The following PVT1 variants were observed in gnomAD, a reference collection of about 807,000 sequenced individuals.
The protein encoded by PVT1 is Pvt1 oncogene, also known as CXCR4/PVT1 fusion.
In PVT1 at chr8:128,021,579, A is replaced by C. The variant is rs112668483; in HGVS notation, n.912+32288A>C. Among the ~76,000 whole-genome samples the C allele has an allele frequency of 1.2e-3, 190 of 152,158 alleles. 1 individual carries two copies. Among genetic ancestry groups the C allele is most frequent in the Admixed American group, 4.9e-3 (75 of 15,292 alleles). On this transcript the variant is annotated intron_variant and non_coding_transcript_variant, in intron 4 of 10. Coordinates refer to ENST00000651587, the Ensembl canonical transcript of PVT1. ...AAGTGCTGGGATTACAGGCGTGAGC[A>C]ACCGCGCCCGGCCTGTCTGGGCCAT... is the stretch of plus-strand genomic sequence containing the variant.
intron 2 of PVT1, among the ~76,000 whole-genome samples, chr8:127,814,109 T>G (rs538756537): frequency 6.6e-5 from 10 of 152,346 alleles, no homozygotes; most frequent in African/African-American, 2.4e-4. Flanking sequence ...TTTTGCACTT[T>G]CAGTTGTCCT....
intron 4 of PVT1, among the ~76,000 whole-genome samples, chr8:127,990,825 A>G (rs1038866566): frequency 6.6e-6 from 1 of 152,236 alleles, no homozygotes; most frequent in African/African-American, 2.4e-5. Context: ...TGGCACACAT[A>G]GGATACTACA....
chr8:128,068,502 G>A (rs1156946604), intron 4 of PVT1, among the ~76,000 whole-genome samples: 1 of 152,064 alleles, frequency 6.6e-6, no homozygotes, highest in Non-Finnish European at 1.5e-5. Flanking sequence ...TGTGTTTTTT[G>A]TTGTTGTTTG....
chr8:127,948,192 T>C (rs376825809), intron 3 of PVT1: 10 of 351,368 alleles, frequency 2.8e-5, no homozygotes, highest in East Asian at 2.2e-4. Flanking sequence ...GCGGTGGCTG[T>C]GGATGGCGTG....
In PVT1 at chr8:127,951,241, GA is replaced by G. The variant is rs1325887534; in HGVS notation, n.783-37920del. Among the ~76,000 whole-genome samples the G allele has an allele frequency of 2.0e-5, 3 of 152,192 alleles. No individual in the cohort carries two copies. The East Asian group carries it at 5.8e-4, about 29-fold the overall frequency. ...GAACCGAGGCTTCCTTAGAGAGGGA[GA>G]GGACCCTCCTGGGAAACTTTCATCC... On this transcript the variant is annotated intron_variant and non_coding_transcript_variant, in intron 3 of 10. Transcript: ENST00000651587.
At chr8:127,837,415 C>T (rs1232249675) in intron 2 of PVT1, among the ~76,000 whole-genome samples, 2 of 150,456 alleles carry the variant, frequency 1.3e-5, no homozygotes, top group Non-Finnish European at 3.0e-5. Flanking sequence ...TTTTGAATAC[C>T]GGAAATTAAG....
rs187563409 is a variant in PVT1, at chr8:127,805,118, C to T, written n.372+9047C>T. Among the ~76,000 whole-genome samples the T allele has an allele frequency of 1.3e-4, 19 of 151,590 alleles. No individual in the cohort carries two copies. The East Asian group carries it at 2.9e-3, about 23-fold the overall frequency. On this transcript the variant is annotated intron_variant and non_coding_transcript_variant, in intron 2 of 10. Coordinates refer to ENST00000651587, the Ensembl canonical transcript of PVT1. ...GCTAATTTTGTGTTTTTAGTAGAGA[C>T]GGGGTTTCTCCACGTTGGTCAGGCT...
At chr8:127,937,580 C>CACACACACACACACACAG (rs59006608) in intron 3 of PVT1, among the ~76,000 whole-genome samples, 1,286 of 107,734 alleles carry the variant, frequency 0.012, 17 homozygotes, top group South Asian at 0.02. Context: ...CACACACACA[C>CACACACACACACACACAG]AGAGAGAGAG....
chr8:128,026,068 G>A (rs897377839), intron 4 of PVT1, among the ~76,000 whole-genome samples: 1 of 151,986 alleles, frequency 6.6e-6, no homozygotes, highest in African/African-American at 2.4e-5. Context: ...TCTCCTGCCA[G>A]AGTAGCTGGG....
chr8:127,962,148 G>A (rs184038489), intron 3 of PVT1, among the ~76,000 whole-genome samples: 94 of 152,282 alleles, frequency 6.2e-4, no homozygotes, highest in African/African-American at 2.2e-3. Flanking sequence ...TATATTTTCA[G>A]TACAGACGGG....
chr8:127,969,691 A>G (rs1816742007), intron 3 of PVT1, among the ~76,000 whole-genome samples: 2 of 152,192 alleles, frequency 1.3e-5, no homozygotes. Context: ...GCTAGGAAGT[A>G]AAGAGTCATA....
chr8:128,049,125 T>G (rs1261892238), intron 4 of PVT1: 1 of 524,118 alleles, frequency 1.9e-6, no homozygotes, highest in Non-Finnish European at 3.9e-6. Flanking sequence ...GAGCCCTTTC[T>G]TTTTCCTGGC....
chr8:128,021,324 A>G (rs897576389), intron 4 of PVT1, among the ~76,000 whole-genome samples: 3 of 110,612 alleles, frequency 2.7e-5, no homozygotes, highest in Admixed American at 1.3e-4. Flanking sequence ...GACGGAGTCT[A>G]GCTCTGTTGC....
At chr8:127,824,651 T>A (rs1814767447) in intron 2 of PVT1, among the ~76,000 whole-genome samples, 1 of 152,170 alleles carries the variant, frequency 6.6e-6, no homozygotes, top group Non-Finnish European at 1.5e-5. Flanking sequence ...AAACTTGAGA[T>A]CATGTAATGT....
chr8:127,909,852 T>C (rs1586431822), intron 3 of PVT1, among the ~76,000 whole-genome samples: 1 of 150,892 alleles, frequency 6.6e-6, no homozygotes, highest in African/African-American at 2.4e-5. Context: ...GAGTGGAGGG[T>C]TGTGGGGAAA....
At chr8:127,841,700 C>G (rs367720659) in intron 2 of PVT1, among the ~76,000 whole-genome samples, 45 of 151,912 alleles carry the variant, frequency 3.0e-4, no homozygotes, top group African/African-American at 6.5e-4. Context: ...TGTGCCTCAT[C>G]ATCTGACCCA....
At chr8:127,936,245 T>A (rs945103184) in intron 3 of PVT1, among the ~76,000 whole-genome samples, 4 of 151,550 alleles carry the variant, frequency 2.6e-5, no homozygotes, top group Non-Finnish European at 5.9e-5. Context: ...AGAGATGGGG[T>A]TTCTCCATGT....
chr8:128,031,322 A>G (rs530931295), intron 4 of PVT1, among the ~76,000 whole-genome samples: 2 of 152,358 alleles, frequency 1.3e-5, no homozygotes, highest in Admixed American at 1.3e-4. Flanking sequence ...AGGGCATTGT[A>G]GAACACAAAA....
Position 127,917,335 on chromosome 8 carries a change from AG to A in PVT1, n.782+26338del, listed in dbSNP as rs1443773057. ...GACTCACAGATCATGAGGAGGCGAT[AG>A]ATACTGGAATAGAAGGCAAAAGTCA... On this transcript the variant is annotated intron_variant and non_coding_transcript_variant, in intron 3 of 10. Transcript: ENST00000651587. 1.2e-4 allele frequency among the ~76,000 whole-genome samples: 19 copies of A among 152,358 alleles called. No homozygotes were observed. In the East Asian group the frequency reaches 3.5e-3, roughly 28 times the overall value.
Sources: allele counts gnomAD v4.1 joint callset (sites outside exome capture counted in the v4.1 genomes callset), GRCh38; gene constraint gnomAD v4.1.1; transcripts MANE v1.5; gene names NCBI Gene and HGNC (gene_info 2026-07-23, HGNC 2026-07-21).